The following MSH3 variants were observed in gnomAD, a reference collection of about 807,000 sequenced individuals.
The protein encoded by MSH3 is mutS homolog 3, also known as DNA mismatch repair protein Msh3.
Under a neutral mutation model 123.3 loss-of-function variants are expected in MSH3, and 106 were observed. The observed-to-expected ratio is 0.86, with a 90% CI of 0.73 to 1.01. The LOEUF is 1.01. MSH3 is among the 50% of genes least tolerant of loss of function. The pLI is 0.00. For missense variants in MSH3, 1,459 were observed against 1,347.6 expected (o/e 1.08, Z -1.29); for synonymous variants, 515 against 481.4 (o/e 1.07, Z -0.91).
chr5:80,693,669 T>G (rs1343346312), intron 8 of MSH3, among the ~76,000 whole-genome samples: 2 of 151,388 alleles, frequency 1.3e-5, no homozygotes, highest in African/African-American at 2.4e-5. Context: ...ATATATATGT[T>G]TTTTGGAGAT....
intron 20 of MSH3, among the ~76,000 whole-genome samples, chr5:80,848,524 G>T (rs1032378241): frequency 6.6e-6 from 1 of 152,178 alleles, no homozygotes; most frequent in African/African-American, 2.4e-5. Flanking sequence ...GAAGTTTATT[G>T]GACTTACAGT....
intron 8 of MSH3, among the ~76,000 whole-genome samples, chr5:80,692,780 TTGA>T (rs1333437265): frequency 3.1e-5 from 3 of 97,482 alleles, no homozygotes; most frequent in African/African-American, 6.7e-5. Context: ...ATGTATATGT[TTGA>T]TAAATATACA....
chr5:80,754,790 T>G (rs1743895815), intron 12 of MSH3, among the ~76,000 whole-genome samples: 1 of 152,234 alleles, frequency 6.6e-6, no homozygotes, highest in Admixed American at 6.5e-5. Context: ...ATTAAATGGC[T>G]TTTGTTTTGG....
chr5:80,704,087 C>G (rs1048786518), intron 8 of MSH3, among the ~76,000 whole-genome samples: 2 of 152,100 alleles, frequency 1.3e-5, no homozygotes, highest in Non-Finnish European at 2.9e-5. Context: ...GCTGAAGTGT[C>G]CTGATCTCAG....
At chr5:80,662,964 G>A (rs1410691039) in intron 2 of MSH3, among the ~76,000 whole-genome samples, 2 of 152,172 alleles carry the variant, frequency 1.3e-5, no homozygotes, top group African/African-American at 4.8e-5. Flanking sequence ...GCCAGGAGCA[G>A]TGGCTCACAT....
intron 8 of MSH3, among the ~76,000 whole-genome samples, chr5:80,695,660 C>T (rs1356389677): frequency 1.3e-5 from 2 of 152,068 alleles, no homozygotes; most frequent in African/African-American, 2.4e-5. Flanking sequence ...CCTTCTATTA[C>T]GTTGCAGAGA....
chr5:80,768,105 A>T lies in MSH3; in HGVS notation c.2069A>T (p.Asn690Ile). 6.2e-7 allele frequency: 1 copy of T among 1,613,724 alleles called. No individual in the cohort carries two copies. Among genetic ancestry groups the T allele is most frequent in the South Asian group, 1.1e-5 (1 of 91,078 alleles). Reference sequence around the variant, plus strand: ...GTGGAGCATTACTTAAAGATACTCAATGAACAAGCTGCCAAGTAAGTACCA... The same window carrying T: ...GTGGAGCATTACTTAAAGATACTCATTGAACAAGCTGCCAAGTAAGTACCA... ...SPVEHYLKIL[N>I]EQAAKVGDKT... Residue 690 changes from asparagine to isoleucine, a missense_variant, in exon 14 of 24, where the codon AAT becomes ATT. Asn to Ile is a moderately radical substitution (Grantham distance 149). Coordinates refer to ENST00000265081, the MANE Select transcript of MSH3 (RefSeq NM_002439.5).
intron 8 of MSH3, among the ~76,000 whole-genome samples, chr5:80,685,000 C>G (rs1750053721): frequency 6.6e-6 from 1 of 151,780 alleles, no homozygotes; most frequent in Admixed American, 6.6e-5. Flanking sequence ...CTTTGCATCT[C>G]TGTGATAAAT....
intron 21 of MSH3, among the ~76,000 whole-genome samples, chr5:80,864,107 G>C (rs1580098030): frequency 6.6e-6 from 1 of 152,112 alleles, no homozygotes; most frequent in African/African-American, 2.4e-5. Context: ...TGTTGTGCCG[G>C]AGTCATATTG....
rs778443399 is a variant in MSH3, at chr5:80,665,314, C to T, written c.530C>T (p.Ala177Val). The T allele has an allele frequency of 6.2e-7, 1 of 1,613,472 alleles. No homozygotes were observed. The highest frequency in any genetic ancestry group is 1.7e-5 in the Admixed American group (1 of 60,012). The change falls in exon 3 of 24, where the codon GCA becomes GTA. Residue 177 changes from alanine (A) to valine (V), a missense_variant. Ala to Val is a moderately conservative substitution (Grantham distance 64). Transcript: ENST00000265081. The part of the protein sequence containing the change: ...TDFDDISLLH[A>V]KNAVSSEDSK... ...TTTGATGATATCAGTCTTCTACACG[C>T]AAAGAATGCAGTTTCTTCTGAAGAT...
chr5:80,824,632 C>T (rs1165389073), intron 20 of MSH3, among the ~76,000 whole-genome samples: 1 of 152,162 alleles, frequency 6.6e-6, no homozygotes, highest in Non-Finnish European at 1.5e-5. Flanking sequence ...AACAGGTGTA[C>T]TAGGGTATGA....
At chr5:80,734,079 A>G (rs1435988436) in intron 10 of MSH3, among the ~76,000 whole-genome samples, 5 of 152,268 alleles carry the variant, frequency 3.3e-5, no homozygotes, top group Admixed American at 3.3e-4. Flanking sequence ...ATGGATACCT[A>G]AAATGTGTTA....
chr5:80,759,859 T>C (rs1010925407), intron 12 of MSH3, among the ~76,000 whole-genome samples: 8 of 152,144 alleles, frequency 5.3e-5, no homozygotes, highest in African/African-American at 1.9e-4. Context: ...CCCGTGTGTG[T>C]ACAAAGCTCT....
intron 8 of MSH3, among the ~76,000 whole-genome samples, chr5:80,679,990 G>T (rs113947436): frequency 5.3e-5 from 8 of 152,030 alleles, no homozygotes; most frequent in Admixed American, 3.3e-4. Context: ...GGCCAGGCAC[G>T]GTGGCTCACG....
intron 20 of MSH3, among the ~76,000 whole-genome samples, chr5:80,829,819 C>CTT (rs1745388571): frequency 6.6e-6 from 1 of 152,088 alleles, no homozygotes; most frequent in African/African-American, 2.4e-5. Flanking sequence ...TAATTTCTTC[C>CTT]TTAAATGTTT....
At chr5:80,819,090 CT>C (rs879882691) in intron 20 of MSH3, among the ~76,000 whole-genome samples, 174 of 143,560 alleles carry the variant, frequency 1.2e-3, no homozygotes, top group Middle Eastern at 3.5e-3. Context: ...CCCAAATAAG[CT>C]TTTTTTTTTT....
At chr5:80,872,143 C>A (rs537385115) in intron 22 of MSH3, among the ~76,000 whole-genome samples, 1 of 152,196 alleles carries the variant, frequency 6.6e-6, no homozygotes, top group South Asian at 2.1e-4. Flanking sequence ...TTTAAACTGG[C>A]CAACATGTAA....
At chr5:80,679,767 C>A (rs1749928455) in intron 8 of MSH3, among the ~76,000 whole-genome samples, 1 of 152,182 alleles carries the variant, frequency 6.6e-6, no homozygotes, top group East Asian at 1.9e-4. Flanking sequence ...CCTAACTGGA[C>A]TTAAAGGCAT....
chr5:80,819,507 T>G (rs1167011855), intron 20 of MSH3, among the ~76,000 whole-genome samples: 3 of 150,168 alleles, frequency 2.0e-5, no homozygotes, highest in Non-Finnish European at 3.0e-5. Flanking sequence ...AGACGGAGTT[T>G]CGCTCCTGTC....
Sources: allele counts gnomAD v4.1 joint callset (sites outside exome capture counted in the v4.1 genomes callset), GRCh38; gene constraint gnomAD v4.1.1; transcripts MANE v1.5; gene names NCBI Gene and HGNC (gene_info 2026-07-23, HGNC 2026-07-21).